The following BCAS3 variants were observed in gnomAD, a reference collection of about 807,000 sequenced individuals.
The protein encoded by BCAS3 is BCAS3 microtubule associated cell migration factor.
Under a neutral mutation model 116.1 loss-of-function variants are expected in BCAS3, and 53 were observed. The observed-to-expected ratio is 0.46, with a 90% CI of 0.37 to 0.57. BCAS3 has a LOEUF of 0.57. BCAS3 is among the 20% of genes least tolerant of loss of function. BCAS3 has a pLI of 0.00. For missense variants in BCAS3, 917 were observed against 1,165.4 expected, an observed-to-expected ratio of 0.79 and a Z score of 3.10; for synonymous variants, 391 against 408.2, an observed-to-expected ratio of 0.96 and a Z score of 0.51.
At chr17:60,999,195 C>T (rs1430769676) in intron 15 of BCAS3, among the ~76,000 whole-genome samples, 1 of 152,088 alleles carries the variant, frequency 6.6e-6, no homozygotes, top group Admixed American at 6.6e-5. Context: ...CTTATTTTTG[C>T]ACCAATACTA....
chr17:61,370,924 CTT>C (rs1241343858), intron 23 of BCAS3, among the ~76,000 whole-genome samples: 1 of 152,242 alleles, frequency 6.6e-6, no homozygotes, highest in Non-Finnish European at 1.5e-5. Context: ...GCAAGCCACT[CTT>C]TGCCTATAGC....
At chr17:61,014,822 G>GTA (rs999386948) in intron 15 of BCAS3, among the ~76,000 whole-genome samples, 4 of 152,104 alleles carry the variant, frequency 2.6e-5, no homozygotes, top group African/African-American at 9.7e-5. Context: ...AAAGTTACCT[G>GTA]TATTTCTATA....
intron 22 of BCAS3, among the ~76,000 whole-genome samples, chr17:61,231,556 T>C (rs1342006928): frequency 6.6e-6 from 1 of 152,134 alleles, no homozygotes; most frequent in African/African-American, 2.4e-5. Flanking sequence ...ATGCTGGGCA[T>C]TAAGGAATCC....
At chr17:61,086,711 TC>T (rs1271932150) in intron 22 of BCAS3, 1 of 985,250 alleles carries the variant, frequency 1.0e-6, no homozygotes, top group Non-Finnish European at 1.2e-6. Context: ...CTGTTTTCAT[TC>T]CAGGAAGCCA....
Position 61,276,126 on chromosome 17 carries a change from G to A in BCAS3, c.2426-92201G>A, listed in dbSNP as rs1054030182. The stretch of plus-strand genomic sequence containing the variant: ...AGCACTTTGGGAGGCTGAGGTGGGC[G>A]GATCATGAGGTCAGGAGTTCAAGAC... On this transcript the variant is annotated intron_variant, in intron 22 of 23. Transcript: ENST00000407086. This position sits in a 1 kb window ranked among gnomAD's most constrained non-coding sequence, Gnocchi z 4.2. Among the ~76,000 whole-genome samples, 1 of 152,082 alleles carries A rather than the reference G, an allele frequency of 6.6e-6. No individual in the cohort carries two copies. The highest frequency in any genetic ancestry group is 1.5e-5 in the Non-Finnish European group (1 of 68,028).
At chr17:61,303,478 A>G (rs1393530178) in intron 22 of BCAS3, among the ~76,000 whole-genome samples, 4 of 152,098 alleles carry the variant, frequency 2.6e-5, no homozygotes, top group Non-Finnish European at 5.9e-5. Flanking sequence ...CTCCATCGCC[A>G]CTCAGCTTCC....
In BCAS3 at chr17:61,208,930, G is replaced by T. The variant is rs1328082260; in HGVS notation, c.2425+124366G>T. On this transcript the variant is annotated intron_variant, in intron 22 of 23. Transcript: ENST00000407086. This position sits in a 1 kb window ranked among gnomAD's most constrained non-coding sequence, Gnocchi z 4.5. ...TCTCTTGTGTAGCTCAGATCCTTTGGGTATTTAATGTACAGTTTCAGCAAA... is the reference window on the plus strand; with the variant it reads ...TCTCTTGTGTAGCTCAGATCCTTTGTGTATTTAATGTACAGTTTCAGCAAA... Among the ~76,000 whole-genome samples, 1 of 151,970 alleles carries T rather than the reference G, an allele frequency of 6.6e-6. No homozygotes were observed. The highest frequency in any genetic ancestry group is 1.5e-5 in the Non-Finnish European group (1 of 68,006).
intron 10 of BCAS3, among the ~76,000 whole-genome samples, chr17:60,891,540 A>G (rs2057149601): frequency 6.6e-6 from 1 of 152,168 alleles, no homozygotes; most frequent in African/African-American, 2.4e-5. Context: ...TTAGTTTCTA[A>G]TTGTTTTAGC....
At chr17:60,926,128 T>G (rs1318797673) in intron 13 of BCAS3, among the ~76,000 whole-genome samples, 2 of 152,188 alleles carry the variant, frequency 1.3e-5, no homozygotes, top group East Asian at 3.9e-4. Context: ...GTTTGCATTA[T>G]AAGAAGAACA....
At position 61,392,170 on chromosome 17, in the gene BCAS3, G is replaced by C. The variant is rs1395340214; in HGVS notation, c.*45G>C. 1 of 1,593,804 alleles carries C rather than the reference G, an allele frequency of 6.3e-7. No homozygotes were observed. The highest frequency in any genetic ancestry group is 8.6e-7 in the Non-Finnish European group (1 of 1,168,072). On this transcript the variant is annotated 3_prime_UTR_variant, in exon 24 of 24. Transcript: ENST00000407086. The surrounding 1 kb of genome is among the most constrained non-coding windows in gnomAD (Gnocchi z 6.4). ...GACTGGCCAGCCCCCTCCCCTGCTG[G>C]AGGAGGGGAGAAGCCCCGCTCTGGT...
intron 7 of BCAS3, among the ~76,000 whole-genome samples, chr17:60,867,904 G>A (rs1050952568): frequency 1.3e-5 from 2 of 151,888 alleles, no homozygotes; most frequent in African/African-American, 4.8e-5. Context: ...TTGTTCGTTA[G>A]TTTTAAGGTT....
At chr17:61,091,049 A>G (rs560145487) in intron 22 of BCAS3, among the ~76,000 whole-genome samples, 4 of 152,352 alleles carry the variant, frequency 2.6e-5, no homozygotes, top group African/African-American at 9.6e-5. Context: ...AAAAAATGAT[A>G]GCCCCATTTG....
chr17:60,800,995 G>C (rs2047724463), intron 6 of BCAS3, among the ~76,000 whole-genome samples: 1 of 151,982 alleles, frequency 6.6e-6, no homozygotes, highest in Non-Finnish European at 1.5e-5. Context: ...ATGATAGAGT[G>C]ATTTCCTCTA....
chr17:61,192,337 T>TCACATAATAACTA (rs1228888178), intron 22 of BCAS3, among the ~76,000 whole-genome samples: 1 of 151,306 alleles, frequency 6.6e-6, no homozygotes, highest in Non-Finnish European at 1.5e-5. Flanking sequence ...GAAGCAATGT[T>TCACATAATAACTA]CACATAATAA....
chr17:60,683,044 A>G (rs908647718), intron 2 of BCAS3, among the ~76,000 whole-genome samples: 3 of 152,068 alleles, frequency 2.0e-5, no homozygotes, highest in African/African-American at 7.2e-5. Flanking sequence ...AGCTGGGACT[A>G]TAGGCACATG....
In BCAS3 at chr17:61,084,965, C is replaced by T. The variant is rs993928806; in HGVS notation, c.2425+401C>T. Among the ~76,000 whole-genome samples the T allele has an allele frequency of 2.0e-5, 3 of 152,134 alleles. No homozygotes were observed. The highest frequency in any genetic ancestry group is 2.9e-5 in the Non-Finnish European group (2 of 68,010). On this transcript the variant is annotated intron_variant, in intron 22 of 23. Coordinates refer to ENST00000407086, the MANE Select transcript of BCAS3 (RefSeq NM_017679.5). The surrounding 1 kb of genome is among the most constrained non-coding windows in gnomAD (Gnocchi z 5.5). ...CTGTGGGAGTAGAGAGGAGACAGTC[C>T]AAATGCTATAGCTTGAATGATTTTA...
chr17:60,963,246 T>C (rs879392774), intron 14 of BCAS3, among the ~76,000 whole-genome samples: 12 of 123,076 alleles, frequency 9.8e-5, no homozygotes, highest in African/African-American at 1.9e-4. Context: ...AATGTTAAGA[T>C]TTTTTTTTTC....
intron 11 of BCAS3, among the ~76,000 whole-genome samples, chr17:60,906,117 G>C (rs1176165622): frequency 4.6e-5 from 7 of 152,134 alleles, no homozygotes; most frequent in Admixed American, 2.6e-4. Flanking sequence ...GATCTTTCAG[G>C]CTGCTTTTTG....
chr17:61,066,044 G>A (rs1047091553), intron 19 of BCAS3, among the ~76,000 whole-genome samples: 3 of 152,038 alleles, frequency 2.0e-5, no homozygotes, highest in East Asian at 1.9e-4. Context: ...ATAAAACTAG[G>A]TACCATTAGG....
Sources: gnomAD v4.1 joint callset for allele counts (sites outside exome capture counted in the v4.1 genomes callset) on GRCh38, gnomAD v4.1.1 for gene constraint, Gnocchi (gnomAD v3.1) non-coding constraint, MANE v1.5 for transcripts, NCBI Gene and HGNC (gene_info 2026-07-23, HGNC 2026-07-21) for gene names.